ARHGAP10: variants seen among roughly 807,000 people sequenced by gnomAD.
ARHGAP10 encodes rho GTPase-activating protein 10.
A neutral mutation model predicts 108.6 loss-of-function variants in ARHGAP10; 87 were observed. The ratio of observed to expected loss-of-function variants is 0.80; its 90% CI spans 0.67 to 0.96. ARHGAP10 has a LOEUF of 0.96. Ranked by LOEUF, ARHGAP10 falls within the 40% of genes least tolerant of loss-of-function variation. The pLI, the probability that ARHGAP10 is intolerant of heterozygous loss-of-function variation, is 0.00. For synonymous variants in ARHGAP10, 347 were observed against 341.1 expected (o/e 1.02, Z -0.19); for missense variants, 939 against 954.5 (o/e 0.98, Z 0.21).
chr4:147,943,677 G>A (rs998031984), intron 14 of ARHGAP10, among the ~76,000 whole-genome samples: 5 of 152,176 alleles, frequency 3.3e-5, no homozygotes, highest in Admixed American at 3.3e-4. Flanking sequence ...TCCTTCCTTG[G>A]TCAGAAAGGA....
intron 1 of ARHGAP10, among the ~76,000 whole-genome samples, chr4:147,795,942 C>G (rs1731302979): frequency 6.6e-6 from 1 of 152,132 alleles, no homozygotes; most frequent in Admixed American, 6.6e-5. Context: ...ATCCGCCCAC[C>G]TCGGCCTCTC....
chr4:147,784,738 A>G (rs1387795616), intron 1 of ARHGAP10, among the ~76,000 whole-genome samples: 5 of 24,810 alleles, frequency 2.0e-4, no homozygotes, highest in Non-Finnish European at 7.0e-4. Flanking sequence ...TAAAATATAT[A>G]TTATAAATAT....
chr4:148,071,999 C>T lies in ARHGAP10; in HGVS notation c.2279C>T (p.Thr760Ile), dbSNP rs771294358. 5.0e-6 allele frequency: 8 copies of T among 1,613,268 alleles called. No individual in the cohort carries two copies. The highest frequency in any genetic ancestry group is 6.8e-6 in the Non-Finnish European group (8 of 1,179,632). ...TTTTTCTCTTCCTTTTCAGTACAAA[C>T]CTCCAGGGAACCTGGCTGGCTAGAA... ...EIGAIFEDVQ[T>I]SREPGWLEGT... Residue 760 changes from threonine to isoleucine, a missense_variant, in exon 23 of 23, where the codon ACC (threonine) becomes ATC (isoleucine). Physicochemically the swap from Thr to Ile is moderately conservative, Grantham distance 89. Transcript: ENST00000336498.
intron 18 of ARHGAP10, among the ~76,000 whole-genome samples, chr4:147,987,543 C>G (rs1244904916): frequency 1.3e-5 from 2 of 152,198 alleles, no homozygotes; most frequent in African/African-American, 4.8e-5. Flanking sequence ...TGAACCCCTC[C>G]TGCTGTGTTA....
At chr4:147,826,065 G>A (rs1198796401) in intron 3 of ARHGAP10, among the ~76,000 whole-genome samples, 3 of 152,184 alleles carry the variant, frequency 2.0e-5, no homozygotes, top group East Asian at 1.9e-4. Flanking sequence ...GGTGAGGTGC[G>A]GACTGCCTTT....
At chr4:147,861,683 C>G (rs6535566) in intron 5 of ARHGAP10, 141,634 of 152,300 alleles carry the variant, frequency 0.93, 66,636 homozygotes, top group Non-Finnish European at 1. Flanking sequence ...CCAGCTCTCA[C>G]TGGAGAGGAG....
At position 148,071,986 on chromosome 4, in the gene ARHGAP10, T is replaced by G. The variant is rs1730203088; in HGVS notation, c.2273-7T>G. The G allele has an allele frequency of 6.2e-7, 1 of 1,610,828 alleles. No individual in the cohort carries two copies. Among genetic ancestry groups the G allele is most frequent in the Non-Finnish European group, 8.5e-7 (1 of 1,178,802 alleles). ...TTTGTAAAAGTGATTTTTCTCTTCC[T>G]TTTCAGTACAAACCTCCAGGGAACC... is the stretch of plus-strand genomic sequence containing the variant. On this transcript the variant is annotated splice_region_variant and splice_polypyrimidine_tract_variant and intron_variant, in intron 22 of 22. Coordinates refer to ENST00000336498, the MANE Select transcript of ARHGAP10 (RefSeq NM_024605.4).
chr4:147,838,288 C>T (rs1282025774), intron 3 of ARHGAP10, among the ~76,000 whole-genome samples: 1 of 152,018 alleles, frequency 6.6e-6, no homozygotes, highest in African/African-American at 2.4e-5. Flanking sequence ...TGTTAGCAGC[C>T]CATTTGGACA....
At chr4:148,050,380 T>G (rs1175027629) in intron 20 of ARHGAP10, among the ~76,000 whole-genome samples, 110 of 144,210 alleles carry the variant, frequency 7.6e-4, no homozygotes, top group Non-Finnish European at 1.5e-3. Flanking sequence ...TTTTTTTTTT[T>G]TTTTTTTTTT....
chr4:148,037,309 T>G (rs1728423019), intron 19 of ARHGAP10, among the ~76,000 whole-genome samples: 1 of 152,232 alleles, frequency 6.6e-6, no homozygotes, highest in East Asian at 1.9e-4. Context: ...GTGGATGTTA[T>G]GATGTACTTC....
chr4:147,773,359 A>G (rs1042289556), intron 1 of ARHGAP10, among the ~76,000 whole-genome samples: 2 of 152,178 alleles, frequency 1.3e-5, no homozygotes, highest in Non-Finnish European at 2.9e-5. Context: ...ACGGGAAGAG[A>G]CATTATCTTG....
intron 1 of ARHGAP10, among the ~76,000 whole-genome samples, chr4:147,770,156 G>A (rs1730013982): frequency 6.6e-6 from 1 of 152,174 alleles, no homozygotes; most frequent in African/African-American, 2.4e-5. Flanking sequence ...TGTTGTAATT[G>A]GAGAATCTGC....
intron 22 of ARHGAP10, among the ~76,000 whole-genome samples, chr4:148,067,576 C>T (rs1259658522): frequency 1.3e-5 from 2 of 152,232 alleles, no homozygotes; most frequent in Non-Finnish European, 2.9e-5. Flanking sequence ...CCCTGGAATG[C>T]CCAAGACATT....
chr4:147,763,211 A>G (rs1308376930), intron 1 of ARHGAP10, among the ~76,000 whole-genome samples: 1 of 152,126 alleles, frequency 6.6e-6, no homozygotes, highest in East Asian at 1.9e-4. Flanking sequence ...AATTGGTCTG[A>G]TAATCTGTAA....
intron 3 of ARHGAP10, among the ~76,000 whole-genome samples, chr4:147,834,212 G>A (rs1180076194): frequency 3.9e-5 from 6 of 152,136 alleles, no homozygotes; most frequent in Non-Finnish European, 7.4e-5. Context: ...GCTTACACCT[G>A]TAGTCCCAGC....
intron 15 of ARHGAP10, among the ~76,000 whole-genome samples, chr4:147,951,483 T>A (rs896592130): frequency 6.6e-6 from 1 of 151,950 alleles, no homozygotes; most frequent in Non-Finnish European, 1.5e-5. Flanking sequence ...GAGCAGGACT[T>A]TTTCACTCAT....
intron 9 of ARHGAP10, among the ~76,000 whole-genome samples, chr4:147,880,882 A>G (rs1411627410): frequency 7.8e-6 from 1 of 127,762 alleles, no homozygotes; most frequent in East Asian, 2.3e-4. Context: ...TTTTTGTGAC[A>G]TGTGGTAAGA....
chr4:147,826,535 C>T (rs1732714402), intron 3 of ARHGAP10, among the ~76,000 whole-genome samples: 1 of 152,194 alleles, frequency 6.6e-6, no homozygotes, highest in Non-Finnish European at 1.5e-5. Context: ...CACAGCCAAC[C>T]ACGGAATTAA....
At chr4:147,846,542 G>A (rs900850829) in intron 3 of ARHGAP10, among the ~76,000 whole-genome samples, 2 of 152,206 alleles carry the variant, frequency 1.3e-5, no homozygotes, top group African/African-American at 4.8e-5. Flanking sequence ...AAAAGAAAAT[G>A]TGGTTGTGGC....
Sources: allele counts gnomAD v4.1 joint callset (sites outside exome capture counted in the v4.1 genomes callset), GRCh38; gene constraint gnomAD v4.1.1; transcripts MANE v1.5; gene names NCBI Gene and HGNC (gene_info 2026-07-23, HGNC 2026-07-21).